The following ZBTB44 variants were observed in gnomAD, a reference collection of about 807,000 sequenced individuals.
ZBTB44 encodes zinc finger and BTB domain-containing protein 44.
Under a neutral mutation model 54.0 loss-of-function variants are expected in ZBTB44, and 15 were observed. That is an observed-to-expected ratio of 0.28 (90% CI 0.19 to 0.43). The LOEUF is 0.43. ZBTB44 is among the 20% of genes least tolerant of loss of function. The pLI is 1.00. For synonymous variants in ZBTB44, 230 were observed against 250.1 expected (o/e 0.92, Z 0.76); for missense variants, 487 against 707.1 (o/e 0.69, Z 3.53).
intron 1 of ZBTB44, among the ~76,000 whole-genome samples, chr11:130,262,488 A>G (rs1938942180): frequency 2.0e-5 from 3 of 152,164 alleles, no homozygotes; most frequent in Admixed American, 6.5e-5. Context: ...TTTGTAAATA[A>G]TGACAATTAT....
In ZBTB44 at chr11:130,294,280, A is replaced by T. The variant is rs1941491958; in HGVS notation, c.-57+20095T>A. ...AAAAATTAGCTGGGTGTGGTGGTGCACGCCTGTAACCCCAGCTACTACTCA... is the reference window on the plus strand; with the variant it reads ...AAAAATTAGCTGGGTGTGGTGGTGCTCGCCTGTAACCCCAGCTACTACTCA... On this transcript the variant is annotated intron_variant, in intron 1 of 7. Transcript: ENST00000357899. Among the ~76,000 whole-genome samples the T allele has an allele frequency of 4.0e-5, 6 of 151,852 alleles. No individual in the cohort carries two copies. In the South Asian group the frequency reaches 1.2e-3, roughly 32 times the overall value.
intron 2 of ZBTB44, among the ~76,000 whole-genome samples, chr11:130,249,618 T>G (rs925328698): frequency 2.4e-4 from 37 of 152,264 alleles, no homozygotes; most frequent in African/African-American, 8.2e-4. Context: ...TGGGACTAGT[T>G]AGGCAGTGGG....
intron 1 of ZBTB44, among the ~76,000 whole-genome samples, chr11:130,279,423 C>T (rs1024243221): frequency 6.6e-6 from 1 of 151,880 alleles, no homozygotes; most frequent in Non-Finnish European, 1.5e-5. Flanking sequence ...CTTTGGAAAG[C>T]TGAGGCAGGT....
At chr11:130,283,025 C>T (rs1452459808) in intron 1 of ZBTB44, among the ~76,000 whole-genome samples, 3 of 149,886 alleles carry the variant, frequency 2.0e-5, no homozygotes, top group African/African-American at 7.4e-5. Context: ...ATAAAATTTG[C>T]CATTCTAACC....
At position 130,231,417 on chromosome 11, in the gene ZBTB44, A is replaced by G. The variant is rs1953871350; in HGVS notation, c.*347T>C. 6.6e-6 allele frequency: 1 copy of G among 152,190 alleles called. No individual in the cohort carries two copies. Among genetic ancestry groups the G allele is most frequent in the Admixed American group, 6.5e-5 (1 of 15,284 alleles). The allele number at this position is 152,190 out of a possible 1,614,324, so 9.4% of individuals were successfully genotyped here. On this transcript the variant is annotated 3_prime_UTR_variant, in exon 8 of 8. Coordinates refer to ENST00000357899, the MANE Select transcript of ZBTB44 (RefSeq NM_001301098.2). ...CTAACCAGATATGCATTTTCACAGT[A>G]TATTCAGATTTCCCATAAAACTTGG...
intron 1 of ZBTB44, among the ~76,000 whole-genome samples, chr11:130,275,784 T>C (rs527341133): frequency 2.0e-5 from 3 of 152,226 alleles, no homozygotes; most frequent in Admixed American, 2.0e-4. Flanking sequence ...CGTGCCAGCA[T>C]GCCCAGATAA....
chr11:130,304,471 T>G (rs1468465050), intron 1 of ZBTB44, among the ~76,000 whole-genome samples: 3 of 152,170 alleles, frequency 2.0e-5, no homozygotes, highest in African/African-American at 7.2e-5. Flanking sequence ...CTTTAATGCT[T>G]GACCATTTTC....
At chr11:130,283,336 G>C (rs549535430) in intron 1 of ZBTB44, among the ~76,000 whole-genome samples, 1 of 151,924 alleles carries the variant, frequency 6.6e-6, no homozygotes, top group Non-Finnish European at 1.5e-5. Flanking sequence ...ATGAGCCACC[G>C]TGCCCGGCCC....
chr11:130,233,653 T>C lies in ZBTB44; in HGVS notation c.1687-271A>G, dbSNP rs1385704521. On this transcript the variant is annotated intron_variant, in intron 6 of 7. Coordinates refer to ENST00000357899, the MANE Select transcript of ZBTB44 (RefSeq NM_001301098.2). ...CATGTACCCTCTTGTCTCAAGAAGGTCAATAATCATCTGATTTCCTCTCTA... is the reference window on the plus strand; with the variant it reads ...CATGTACCCTCTTGTCTCAAGAAGGCCAATAATCATCTGATTTCCTCTCTA... The C allele has an allele frequency of 3.2e-6, 4 of 1,259,424 alleles. No homozygotes were observed. In the East Asian group the frequency reaches 1.1e-4, roughly 35 times the overall value. 78.0% of individuals were successfully genotyped at this position (1,259,424 alleles called of 1,614,324 possible). A position where few individuals can be genotyped will look rare whatever the true frequency, so the allele number is the denominator to read the frequency against.
intron 2 of ZBTB44, among the ~76,000 whole-genome samples, chr11:130,245,339 G>GA (rs2136321233): frequency 6.6e-6 from 1 of 152,294 alleles, no homozygotes; most frequent in African/African-American, 2.4e-5. Flanking sequence ...TGCATTTTAA[G>GA]AAAGAACTGT....
intron 2 of ZBTB44, among the ~76,000 whole-genome samples, chr11:130,243,795 G>A (rs898375761): frequency 3.9e-5 from 6 of 152,160 alleles, no homozygotes; most frequent in South Asian, 2.1e-4. Flanking sequence ...ATCACTGCTA[G>A]CAGTATATCA....
intron 2 of ZBTB44, among the ~76,000 whole-genome samples, chr11:130,246,314 T>C (rs1036347657): frequency 5.3e-5 from 8 of 152,188 alleles, no homozygotes; most frequent in African/African-American, 1.9e-4. Flanking sequence ...CACATATATA[T>C]GCACAATATT....
At chr11:130,252,119 T>G (rs1938055375) in intron 2 of ZBTB44, among the ~76,000 whole-genome samples, 3 of 152,130 alleles carry the variant, frequency 2.0e-5, no homozygotes, top group African/African-American at 7.2e-5. Flanking sequence ...AAGCAGGGGC[T>G]GCAATCATAG....
intron 1 of ZBTB44, among the ~76,000 whole-genome samples, chr11:130,309,440 C>T (rs531064888): frequency 6.6e-6 from 1 of 152,322 alleles, no homozygotes; most frequent in East Asian, 1.9e-4. Context: ...ACACTGCTCC[C>T]TCTTAAAACT....
At position 130,239,881 on chromosome 11, in the gene ZBTB44, C is replaced by T. The variant is rs200321016; in HGVS notation, c.1034G>A (p.Gly345Asp). The T allele has an allele frequency of 2.5e-6, 4 of 1,610,966 alleles. No homozygotes were observed. The highest frequency in any genetic ancestry group is 1.7e-5 in the Admixed American group (1 of 59,766). ...AAGTGTAGGCAAGCCCTCAGAAACG[C>T]CTTCATCTACTGAGCCTGTGAATAA... Reference protein sequence around the residue: ...QSSSIGSVDEGVSEGLPTLQS... With the variant: ...QSSSIGSVDEDVSEGLPTLQS... The change falls in exon 3 of 8, where the codon GGC becomes GAC. Residue 345 changes from glycine to aspartate, a missense_variant. By Grantham distance (94) the Gly-to-Asp change is moderately conservative (BLOSUM62 -1). Transcript: ENST00000357899.
intron 2 of ZBTB44, among the ~76,000 whole-genome samples, chr11:130,249,655 C>G (rs1301611263): frequency 2.0e-5 from 3 of 152,192 alleles, no homozygotes; most frequent in Non-Finnish European, 4.4e-5. Flanking sequence ...TGAGCAGAAG[C>G]AGGGTGGGGC....
At chr11:130,245,936 T>C (rs534651711) in intron 2 of ZBTB44, among the ~76,000 whole-genome samples, 1 of 152,308 alleles carries the variant, frequency 6.6e-6, no homozygotes, top group African/African-American at 2.4e-5. Flanking sequence ...TTAAAACAAA[T>C]CCATCTCTAC....
At chr11:130,299,654 A>T (rs1251639994) in intron 1 of ZBTB44, among the ~76,000 whole-genome samples, 1 of 152,202 alleles carries the variant, frequency 6.6e-6, no homozygotes, top group African/African-American at 2.4e-5. Flanking sequence ...AAAAAACAAA[A>T]TAACAAGTCT....
chr11:130,236,907 C>A lies in ZBTB44; in HGVS notation c.1454G>T (p.Arg485Leu). 6.3e-7 allele frequency: 1 copy of A among 1,588,600 alleles called. No homozygotes were observed. The highest frequency in any genetic ancestry group is 8.6e-7 in the Non-Finnish European group (1 of 1,168,968). The change falls in exon 5 of 8, where the codon CGG (arginine) becomes CTG (leucine). Residue 485 changes from arginine to leucine, a missense_variant. By Grantham distance (102) the Arg-to-Leu change is moderately radical. Transcript: ENST00000357899. ...RVSRHIIRKP[R>L]IYECKTCGAM... ...GCCACATGTTTTGCACTCGTAAATC[C>A]GAGGCTTGCGGATAATGTGCCGGGA...
Sources: allele counts gnomAD v4.1 joint callset (sites outside exome capture counted in the v4.1 genomes callset), GRCh38; gene constraint gnomAD v4.1.1; transcripts MANE v1.5; gene names NCBI Gene and HGNC (gene_info 2026-07-23, HGNC 2026-07-21).